Variants in CFH observed in about 807,000 individuals in gnomAD.
CFH encodes the protein H factor 1 (complement).
CFH carries 53 observed loss-of-function variants against 147.3 expected under a neutral mutation model. The ratio of observed to expected loss-of-function variants is 0.36; its 90% confidence interval spans 0.29 to 0.45. CFH has a LOEUF of 0.45. Ranked by LOEUF, CFH falls within the 20% of genes least tolerant of loss-of-function variation. CFH has a pLI of 1.00. For missense variants in CFH, 1,380 were observed against 1,498.0 expected, an observed-to-expected ratio of 0.92 and a Z score of 1.30; for synonymous variants, 536 against 489.4, an observed-to-expected ratio of 1.10 and a Z score of -1.26.
chr1:196,745,105 C>CT (rs1160542727), intron 20 of CFH, among the ~76,000 whole-genome samples: 4 of 151,912 alleles, frequency 2.6e-5, no homozygotes, highest in East Asian at 1.9e-4. Context: ...GTATTTTTTT[C>CT]TTTTTTTAAA....
chr1:196,654,029 G>A lies in CFH; in HGVS notation c.58+1854G>A, dbSNP rs531215012. ...ATACTCTCTGAAACTAAACTAGTTC[G>A]AGATGTCCATCAGTTCTATTAATCT... On this transcript the variant is annotated intron_variant, in intron 1 of 21. Transcript: ENST00000367429. Among the ~76,000 whole-genome samples the A allele has an allele frequency of 8.7e-4, 133 of 152,040 alleles. 1 individual carries two copies. Among genetic ancestry groups the A allele is most frequent in the African/African-American group, 3.0e-3 (126 of 41,502 alleles).
chr1:196,715,666 A>T lies in CFH; in HGVS notation c.1593A>T (p.Thr531=). Residue 531 remains threonine, a synonymous_variant, in exon 11 of 22, where the codon ACA becomes ACT. Coordinates refer to ENST00000367429, the MANE Select transcript of CFH (RefSeq NM_000186.4). ...NDFTWFKLND[T]LDYECHDGYE... is the part of the protein sequence containing the mutation. The stretch of plus-strand genomic sequence containing the variant: ...TCACATGGTTTAAGCTGAATGACAC[A>T]TTGGACTATGAATGCCATGATGGTT... The T allele has an allele frequency of 6.2e-7, 1 of 1,612,740 alleles. No individual in the cohort carries two copies. Among genetic ancestry groups the T allele is most frequent in the South Asian group, 1.1e-5 (1 of 91,064 alleles).
intron 3 of CFH, 59 bp downstream of exon 3, chr1:196,674,021 C>A: frequency 8.8e-7 from 1 of 1,134,922 alleles, no homozygotes; most frequent in Non-Finnish European, 1.3e-6. Context: ...AACTCTACTA[C>A]TTTATATATT....
intron 11 of CFH, 115 bp from the exon 12 acceptor site, chr1:196,725,006 T>C (rs1396893735): frequency 1.3e-6 from 1 of 785,242 alleles, no homozygotes; most frequent in East Asian, 2.7e-5. Flanking sequence ...AAAGGATTTA[T>C]CTGATGCCCC....
rs771334291 is a variant in CFH, at chr1:196,652,194, C to G, written c.58+19C>G. 8 of 1,572,526 alleles carry G rather than the reference C, an allele frequency of 5.1e-6. No homozygotes were observed. The African/African-American group carries it at 1.1e-4, about 21-fold the overall frequency. Reference sequence around the variant, plus strand: ...GCAGAAGGTAAGATTAAAAGAGACTCTTTTCTGAAAACTGTATTATGAAAC... The same window carrying G: ...GCAGAAGGTAAGATTAAAAGAGACTGTTTTCTGAAAACTGTATTATGAAAC... On this transcript the variant is annotated intron_variant, in intron 1 of 21. Transcript: ENST00000367429.
intron 1 of CFH, among the ~76,000 whole-genome samples, chr1:196,666,547 G>A (rs1667093439): frequency 6.6e-6 from 1 of 151,866 alleles, no homozygotes; most frequent in Non-Finnish European, 1.5e-5. Flanking sequence ...AGCACTTTGG[G>A]AGGCCGAGGT....
rs994206257 is a variant in CFH at position 196,728,422 on chromosome 1, C to T, written c.2313C>T (p.Phe771=). Residue 771 remains phenylalanine (F), a synonymous_variant, in exon 15 of 22, where the codon TTC becomes TTT. Transcript: ENST00000367429. ...AACATTTAAAAAACAAGAAGGAATTCGATCATAATTCTAACATAAGGTACA... is the reference window on the plus strand; with the variant it reads ...AACATTTAAAAAACAAGAAGGAATTTGATCATAATTCTAACATAAGGTACA... The part of the protein sequence containing the change: ...LEEHLKNKKE[F]DHNSNIRYRC... 3.7e-6 allele frequency: 6 copies of T among 1,608,312 alleles called. No homozygotes were observed. The highest frequency in any genetic ancestry group is 1.7e-5 in the Admixed American group (1 of 59,754).
intron 1 of CFH, among the ~76,000 whole-genome samples, chr1:196,655,166 T>C (rs1388768922): frequency 6.6e-6 from 1 of 152,180 alleles, no homozygotes; most frequent in African/African-American, 2.4e-5. Context: ...ATCTGACAAC[T>C]TCCCTGAAAC....
rs1206571969 is a variant in CFH at position 196,715,583 on chromosome 1, T to A, written c.1520-10T>A. The A allele has an allele frequency of 6.2e-7, 1 of 1,603,326 alleles. No individual in the cohort carries two copies. Among genetic ancestry groups the A allele is most frequent in the South Asian group, 1.1e-5 (1 of 90,848 alleles). On this transcript the variant is annotated splice_polypyrimidine_tract_variant and intron_variant, in intron 10 of 21. Transcript: ENST00000367429. The stretch of plus-strand genomic sequence containing the variant: ...ATTAGAAATGACATTCTAAATTTTT[T>A]ATGCACTAGAATCTTGTGATATCCC...
At chr1:196,678,649 T>G (rs1667539537) in intron 5 of CFH, 3 of 152,016 alleles carry the variant, frequency 2.0e-5, no homozygotes, top group South Asian at 2.1e-4. Context: ...ACTAGATTCC[T>G]GTGGTTAGTG....
chr1:196,681,524 C>T lies in CFH; in HGVS notation c.790+1731C>T, dbSNP rs1667657686. 2.6e-5 allele frequency among the ~76,000 whole-genome samples: 4 copies of T among 151,060 alleles called. No homozygotes were observed. The South Asian group carries it at 8.3e-4, about 31-fold the overall frequency. ...CCTCAAAGACTCTACATTTATAAAA[C>T]ATTTTTCTTTTATAATTTTTTTCCA... On this transcript the variant is annotated intron_variant, in intron 6 of 21. Transcript: ENST00000367429.
intron 6 of CFH, among the ~76,000 whole-genome samples, chr1:196,683,429 G>A (rs1163314852): frequency 6.6e-6 from 1 of 151,694 alleles, no homozygotes; most frequent in Non-Finnish European, 1.5e-5. Context: ...AGGTAGTAGT[G>A]AGTTAAAGAA....
At chr1:196,696,104 T>C (rs1668256783) in intron 9 of CFH, among the ~76,000 whole-genome samples, 1 of 152,078 alleles carries the variant, frequency 6.6e-6, no homozygotes, top group Non-Finnish European at 1.5e-5. Context: ...AACTCAACTC[T>C]GGACCAACTG....
rs868483183 is a variant in CFH at position 196,735,009 on chromosome 1, A to C, written c.2414-1815A>C. On this transcript the variant is annotated intron_variant, in intron 15 of 21. Coordinates refer to ENST00000367429, the MANE Select transcript of CFH (RefSeq NM_000186.4). ...TAGGGTGAAAAATGAAAACATGGTC[A>C]TAAACTATCATACTTTGAAAATATA... Among the ~76,000 whole-genome samples the C allele has an allele frequency of 2.6e-5, 4 of 152,286 alleles. No homozygotes were observed. In the South Asian group the frequency reaches 8.3e-4, roughly 32 times the overall value.
chr1:196,693,441 A>G (rs1289202029), intron 9 of CFH, among the ~76,000 whole-genome samples: 1 of 152,076 alleles, frequency 6.6e-6, no homozygotes, highest in African/African-American at 2.4e-5. Context: ...AGTCCCTCTT[A>G]TTCATGTGGG....
chr1:196,724,388 T>A (rs1669078727), intron 11 of CFH, among the ~76,000 whole-genome samples: 1 of 152,068 alleles, frequency 6.6e-6, no homozygotes, highest in African/African-American at 2.4e-5. Context: ...GATGACCCTA[T>A]TCAACTAGTA....
At chr1:196,718,428 T>G (rs1419460864) in intron 11 of CFH, among the ~76,000 whole-genome samples, 2 of 152,068 alleles carry the variant, frequency 1.3e-5, no homozygotes, top group Non-Finnish European at 2.9e-5. Flanking sequence ...GTGCAACAGC[T>G]GAGGCAGCGA....
chr1:196,694,180 G>A (rs190239989), intron 9 of CFH, among the ~76,000 whole-genome samples: 385 of 151,844 alleles, frequency 2.5e-3, no homozygotes, highest in African/African-American at 9.0e-3. Context: ...AACAAGCCCC[G>A]GTGTGTGATG....
chr1:196,668,163 TC>T (rs1490188118), intron 1 of CFH, among the ~76,000 whole-genome samples: 32 of 152,270 alleles, frequency 2.1e-4, no homozygotes, highest in African/African-American at 7.7e-4. Flanking sequence ...TTCTGCTTAT[TC>T]CTTTTTGTAC....
Sources: allele counts gnomAD v4.1 joint callset (sites outside exome capture counted in the v4.1 genomes callset), GRCh38; gene constraint gnomAD v4.1.1; transcripts MANE v1.5; gene names NCBI Gene and HGNC (gene_info 2026-07-23, HGNC 2026-07-21).